The following UROC1 variants were observed in gnomAD, a reference collection of about 807,000 sequenced individuals.
The protein encoded by UROC1 is urocanate hydratase.
In UROC1, 79 loss-of-function variants were observed where a neutral mutation model predicts 89.5. The ratio of observed to expected loss-of-function variants is 0.88; its 90% CI spans 0.74 to 1.06. The LOEUF is 1.06. UROC1 is among the 50% of genes least tolerant of loss of function. UROC1 has a pLI of 0.00. For synonymous variants in UROC1, 361 were observed against 354.8 expected (o/e 1.02, Z -0.20); for missense variants, 885 against 907.8 (o/e 0.97, Z 0.32).
intron 1 of UROC1, among the ~76,000 whole-genome samples, chr3:126,513,511 G>GC (rs1217093941): frequency 1.3e-5 from 2 of 152,182 alleles, no homozygotes; most frequent in African/African-American, 4.8e-5. Context: ...TGTGGCACAG[G>GC]CCTGCCACAT....
intron 1 of UROC1, among the ~76,000 whole-genome samples, chr3:126,511,345 TCTAATA>T (rs1171092106): frequency 3.3e-5 from 5 of 152,198 alleles, no homozygotes; most frequent in African/African-American, 1.2e-4. Context: ...CCACGTGGGT[TCTAATA>T]CATCCATCCT....
At chr3:126,487,456 C>A (rs969436707) in intron 18 of UROC1, among the ~76,000 whole-genome samples, 2 of 152,242 alleles carry the variant, frequency 1.3e-5, no homozygotes, top group Non-Finnish European at 2.9e-5. Flanking sequence ...CTGCAGCCTC[C>A]AAGGACACGA....
intron 10 of UROC1, 146 bp from the exon 11 acceptor site, chr3:126,501,020 A>G (rs1022098144): frequency 7.4e-7 from 1 of 1,356,672 alleles, no homozygotes; most frequent in African/African-American, 1.4e-5. Context: ...CCCCCTGGAA[A>G]GAGAACCTAC....
chr3:126,496,876 C>T (rs752075470), intron 14 of UROC1, among the ~76,000 whole-genome samples: 2 of 152,206 alleles, frequency 1.3e-5, no homozygotes, highest in Non-Finnish European at 2.9e-5. Context: ...GCATGTGCTG[C>T]GGGCATGTGG....
intron 9 of UROC1, among the ~76,000 whole-genome samples, chr3:126,503,563 G>A (rs967930219): frequency 6.6e-6 from 1 of 152,212 alleles, no homozygotes; most frequent in African/African-American, 2.4e-5. Context: ...TCACAGGCTC[G>A]CCACTGCAAC....
At chr3:126,504,349 G>T (rs943211964) in intron 8 of UROC1, among the ~76,000 whole-genome samples, 1 of 152,164 alleles carries the variant, frequency 6.6e-6, no homozygotes, top group African/African-American at 2.4e-5. Context: ...ACAAGGACTT[G>T]TCCACGATCT....
chr3:126,489,174 G>A (rs756943431), intron 17 of UROC1, 102 bp downstream of exon 17: 13 of 1,161,802 alleles, frequency 1.1e-5, no homozygotes, highest in Admixed American at 3.4e-5. Context: ...AGCCTCTCAG[G>A]TGCCAGAACA....
At chr3:126,495,485 T>A (rs1935755214) in intron 15 of UROC1, among the ~76,000 whole-genome samples, 1 of 152,206 alleles carries the variant, frequency 6.6e-6, no homozygotes, top group Admixed American at 6.5e-5. Context: ...AGCACTCCCT[T>A]CCGTTTGAGG....
Position 126,498,130 on chromosome 3 carries a change from G to T in UROC1, c.1359C>A (p.Cys453Ter). The change falls in exon 14 of 20, where the codon TGC becomes TGA. Residue 453 changes from cysteine (C) to a stop codon, truncating the protein, a stop_gained. Transcript: ENST00000290868. LOFTEE classifies it high-confidence loss of function. ...SQGFGPFRWV[C>*]TSGDPQDLAV... ...CCAGGTCCTGGGGGTCCCCCGATGT[G>T]CACACCCAGCGGAAAGGCCCAAATC... is the stretch of plus-strand genomic sequence containing the variant. 6.2e-7 allele frequency: 1 copy of T among 1,614,196 alleles called. No individual in the cohort carries two copies. The highest frequency in any genetic ancestry group is 8.5e-7 in the Non-Finnish European group (1 of 1,180,026).
intron 4 of UROC1, 49 bp from the exon 5 acceptor site, chr3:126,508,144 C>G (rs913268552): frequency 2.5e-6 from 4 of 1,612,282 alleles, no homozygotes; most frequent in Non-Finnish European, 8.5e-7. Flanking sequence ...AGCAGCACCC[C>G]ACACCCAGCC....
In UROC1 at chr3:126,508,050, T is replaced by C. The variant is rs749857275; in HGVS notation, c.457A>G (p.Thr153Ala). ...FYLSKMTEEQTLVMYSGHPLG... is the reference protein window; with the variant it reads ...FYLSKMTEEQALVMYSGHPLG... The stretch of plus-strand genomic sequence containing the variant: ...GGGTGCCCACTGTACATGACCAAAG[T>C]CTGCTCCTCTGTCATCTTCGACAAG... The change falls in exon 5 of 20, where the codon ACT becomes GCT. Residue 153 changes from threonine to alanine, a missense_variant. Physicochemically the swap from Thr to Ala is moderately conservative, Grantham distance 58. Transcript: ENST00000290868. 1.2e-6 allele frequency: 2 copies of C among 1,613,984 alleles called. No individual in the cohort carries two copies. The highest frequency in any genetic ancestry group is 1.1e-5 in the South Asian group (1 of 91,082).
In UROC1 at chr3:126,508,093, G is replaced by T. The variant is rs781365158; in HGVS notation, c.414C>A (p.Phe138Leu). The change falls in exon 5 of 20, where the codon TTC (phenylalanine) becomes TTA (leucine). Residue 138 changes from phenylalanine (F) to leucine (L), a missense_variant and splice_region_variant. Coordinates refer to ENST00000290868, the MANE Select transcript of UROC1 (RefSeq NM_144639.3). ...TCGACAAGTAGAACATGGTCAGCCAGAACTGGGGGAAGAGCAGAGCGTGGG... is the reference window on the plus strand; with the variant it reads ...TCGACAAGTAGAACATGGTCAGCCATAACTGGGGGAAGAGCAGAGCGTGGG... ...NGQVFSNWAQ[F>L]WLTMFYLSKM... 1 of 1,613,832 alleles carries T rather than the reference G, an allele frequency of 6.2e-7. No individual in the cohort carries two copies. The highest frequency in any genetic ancestry group is 8.5e-7 in the Non-Finnish European group (1 of 1,180,030).
intron 18 of UROC1, among the ~76,000 whole-genome samples, chr3:126,486,064 G>A (rs377312654): frequency 1.6e-4 from 24 of 152,292 alleles, no homozygotes; most frequent in South Asian, 1.0e-3. Context: ...ATCCATCGGC[G>A]CCCCAGGACC....
intron 19 of UROC1, 119 bp downstream of exon 19, chr3:126,483,250 G>T: frequency 1.1e-6 from 1 of 907,790 alleles, no homozygotes; most frequent in South Asian, 1.4e-5. Flanking sequence ...CTGTGGTCAT[G>T]AGAGGAATCC....
In UROC1 at chr3:126,490,577, C is replaced by T. The variant is rs184385970; in HGVS notation, c.1609-1202G>A. 2.9e-3 allele frequency among the ~76,000 whole-genome samples: 433 copies of T among 151,602 alleles called. 2 individuals carry two copies. The highest frequency in any genetic ancestry group is 9.9e-3 in the African/African-American group (409 of 41,302). On this transcript the variant is annotated intron_variant, in intron 16 of 19. Coordinates refer to ENST00000290868, the MANE Select transcript of UROC1 (RefSeq NM_144639.3). ...GTGCACGCCTGTAATCACAGCTCGTCGGGGAGCTGAGGCATGAGAATCGCT... is the reference window on the plus strand; with the variant it reads ...GTGCACGCCTGTAATCACAGCTCGTTGGGGAGCTGAGGCATGAGAATCGCT...
intron 18 of UROC1, among the ~76,000 whole-genome samples, chr3:126,487,086 C>T (rs1560115384): frequency 6.6e-6 from 1 of 152,202 alleles, no homozygotes; most frequent in Non-Finnish European, 1.5e-5. Context: ...GGGAGGCCTG[C>T]CCTCAGGGCT....
intron 5 of UROC1, 79 bp downstream of exon 5, chr3:126,507,888 G>T: frequency 1.2e-6 from 2 of 1,612,508 alleles, no homozygotes; most frequent in Non-Finnish European, 1.7e-6. Context: ...CAGCGTTGGG[G>T]CACTGGGCTT....
intron 12 of UROC1, 90 bp from the exon 13 acceptor site, chr3:126,499,499 C>T: frequency 1.5e-6 from 2 of 1,298,302 alleles, no homozygotes; most frequent in Non-Finnish European, 2.2e-6. Flanking sequence ...CAGAGGGAGG[C>T]TGGGGAAGGA....
At chr3:126,502,149 T>C (rs988287839) in intron 9 of UROC1, among the ~76,000 whole-genome samples, 3 of 152,210 alleles carry the variant, frequency 2.0e-5, no homozygotes, top group South Asian at 2.1e-4. Context: ...TATGTGTATG[T>C]ATGCATGTGA....
Sources: gnomAD v4.1 joint callset for allele counts (sites outside exome capture counted in the v4.1 genomes callset) on GRCh38, gnomAD v4.1.1 for gene constraint, MANE v1.5 for transcripts, NCBI Gene and HGNC (gene_info 2026-07-23, HGNC 2026-07-21) for gene names.